Variants in PABPC4L observed in about 807,000 individuals in gnomAD.
The protein encoded by PABPC4L is poly(A) binding protein cytoplasmic 4 like, also known as polyadenylate-binding protein 4-like.
For missense variants in PABPC4L, 452 were observed against 451.4 expected (o/e 1.00, Z -0.01); for synonymous variants, 169 against 164.1 (o/e 1.03, Z -0.23).
At chr4:134,114,541 G>A in the PABPC4L span, among the ~76,000 whole-genome samples, 1 of 151,774 alleles carries the variant, frequency 6.6e-6, no homozygotes, top group Non-Finnish European at 1.5e-5. Flanking sequence ...GGAACTGGGG[G>A]AAGGACTTCC....
chr4:134,054,248 ATATG>A, the PABPC4L span, among the ~76,000 whole-genome samples: 900 of 57,804 alleles, frequency 0.016, 19 homozygotes, highest in Non-Finnish European at 0.023. Context: ...CTTTAGTTGT[ATATG>A]TATATATATA....
At chr4:134,094,088 A>C in the PABPC4L span, among the ~76,000 whole-genome samples, 1 of 151,986 alleles carries the variant, frequency 6.6e-6, no homozygotes, top group East Asian at 1.9e-4. Context: ...AGAGAAGTTC[A>C]CTAGTAGTTT....
the PABPC4L span, among the ~76,000 whole-genome samples, chr4:133,960,784 C>T: frequency 6.6e-6 from 1 of 152,068 alleles, no homozygotes; most frequent in Non-Finnish European, 1.5e-5. Flanking sequence ...ATGCCTGTGA[C>T]TGTGGCTTCC....
At chr4:134,070,540 G>A in the PABPC4L span, among the ~76,000 whole-genome samples, 3 of 152,170 alleles carry the variant, frequency 2.0e-5, no homozygotes, top group Middle Eastern at 3.4e-3. Flanking sequence ...GGTGAGGTAC[G>A]CTCATGCCAG....
the PABPC4L span, among the ~76,000 whole-genome samples, chr4:134,097,144 T>C: frequency 2.0e-5 from 3 of 151,938 alleles, no homozygotes; most frequent in African/African-American, 4.8e-5. Flanking sequence ...GGAAAAAATA[T>C]ACACCTTGGC....
At position 134,200,938 on chromosome 4, in the gene PABPC4L, T is replaced by G; in HGVS notation, c.82A>C (p.Arg28=). The part of the protein sequence containing the change: ...HADVTEDLLF[R]KFSTVGPVLS... ...ACAGGCCCCACAGTGCTGAACTTCC[T>G]GAACAGCAGGTCCTCGGTGACATCT... Residue 28 remains arginine (R), a synonymous_variant, in exon 2 of 2, where the codon AGG becomes CGG. Coordinates refer to ENST00000421491, the MANE Select transcript of PABPC4L (RefSeq NM_001114734.2). The G allele has an allele frequency of 6.4e-7, 1 of 1,559,694 alleles. No homozygotes were observed. The highest frequency in any genetic ancestry group is 2.4e-5 in the East Asian group (1 of 41,718).
the PABPC4L span, among the ~76,000 whole-genome samples, chr4:134,043,647 A>C: frequency 6.6e-6 from 1 of 151,202 alleles, no homozygotes; most frequent in South Asian, 2.1e-4. Flanking sequence ...CTGGAGCTCT[A>C]AAACTTGCCA....
At chr4:134,092,229 C>G in the PABPC4L span, among the ~76,000 whole-genome samples, 1 of 151,940 alleles carries the variant, frequency 6.6e-6, no homozygotes, top group Non-Finnish European at 1.5e-5. Context: ...ACCACCCAGG[C>G]CTGCCACACC....
the PABPC4L span, among the ~76,000 whole-genome samples, chr4:134,000,534 C>T: frequency 6.6e-6 from 1 of 152,110 alleles, no homozygotes; most frequent in Non-Finnish European, 1.5e-5. Context: ...CTTTAAACAT[C>T]TGTGATAGTT....
chr4:134,141,644 A>G, the PABPC4L span, among the ~76,000 whole-genome samples: 1 of 151,596 alleles, frequency 6.6e-6, no homozygotes, highest in East Asian at 1.9e-4. Context: ...ATTAAGCCTT[A>G]TTCATTCATA....
chr4:133,994,751 C>A, the PABPC4L span, among the ~76,000 whole-genome samples: 1 of 152,078 alleles, frequency 6.6e-6, no homozygotes, highest in Non-Finnish European at 1.5e-5. Context: ...GCATTGGGGA[C>A]CCAGTATGGT....
chr4:133,949,817 G>C, the PABPC4L span, among the ~76,000 whole-genome samples: 25 of 152,064 alleles, frequency 1.6e-4, no homozygotes, highest in Non-Finnish European at 5.9e-5. Context: ...GGGATGACAG[G>C]GTAGAGGATA....
chr4:133,973,128 C>T, the PABPC4L span, among the ~76,000 whole-genome samples: 1 of 151,980 alleles, frequency 6.6e-6, no homozygotes, highest in Non-Finnish European at 1.5e-5. Flanking sequence ...CAAAATAAAG[C>T]AAGAATAGTT....
At chr4:134,080,531 C>T in the PABPC4L span, among the ~76,000 whole-genome samples, 1 of 152,092 alleles carries the variant, frequency 6.6e-6, no homozygotes, top group Non-Finnish European at 1.5e-5. Flanking sequence ...GTTGATTCTT[C>T]AAATTAAGTC....
At chr4:134,038,656 T>C in the PABPC4L span, among the ~76,000 whole-genome samples, 1 of 152,164 alleles carries the variant, frequency 6.6e-6, no homozygotes, top group Non-Finnish European at 1.5e-5. Context: ...TTTTGTGGGA[T>C]CGGTGGTGAT....
At chr4:134,040,274 T>C in the PABPC4L span, among the ~76,000 whole-genome samples, 3 of 145,494 alleles carry the variant, frequency 2.1e-5, no homozygotes, top group South Asian at 2.1e-4. Context: ...GCCAAGACAA[T>C]CCTAAGCAAA....
chr4:134,110,688 A>G, the PABPC4L span, among the ~76,000 whole-genome samples: 1 of 151,686 alleles, frequency 6.6e-6, no homozygotes, highest in African/African-American at 2.4e-5. Flanking sequence ...CTGATATAAA[A>G]TTGCATAATA....
the PABPC4L span, among the ~76,000 whole-genome samples, chr4:134,164,478 T>A: frequency 4.6e-5 from 7 of 151,956 alleles, no homozygotes; most frequent in South Asian, 1.4e-3. Context: ...CTGCTATACA[T>A]CAACAGCAAC....
At chr4:134,046,129 G>A in the PABPC4L span, among the ~76,000 whole-genome samples, 1 of 152,046 alleles carries the variant, frequency 6.6e-6, no homozygotes, top group Non-Finnish European at 1.5e-5. Flanking sequence ...GGGAGGACCA[G>A]CACTGGCACC....
Sources: gnomAD v4.1 joint callset for allele counts (sites outside exome capture counted in the v4.1 genomes callset) on GRCh38, gnomAD v4.1.1 for gene constraint, MANE v1.5 for transcripts, NCBI Gene and HGNC (gene_info 2026-07-23, HGNC 2026-07-21) for gene names.